The following EPM2A variants were observed in gnomAD, a reference collection of about 807,000 sequenced individuals.
The protein encoded by EPM2A is laforin.
Under a neutral mutation model 26.5 loss-of-function variants are expected in EPM2A, and 21 were observed. The ratio of observed to expected loss-of-function variants is 0.79; its 90% CI spans 0.56 to 1.14. EPM2A has a LOEUF of 1.14. Among genes scored for constraint, EPM2A ranks in the 50% most tolerant of loss-of-function variants. The probability of loss-of-function intolerance (pLI) is 0.00; values close to 1 mark genes in which losing one functional copy is unlikely to be tolerated. For synonymous variants in EPM2A, 217 were observed against 177.6 expected, an observed-to-expected ratio of 1.22 and a Z score of -1.76; for missense variants, 458 against 440.8, an observed-to-expected ratio of 1.04 and a Z score of -0.35.
chr6:145,390,563 TTC>T (rs61299104), intron 4 of EPM2A, among the ~76,000 whole-genome samples: 133 of 148,318 alleles, frequency 9.0e-4, no homozygotes, highest in Admixed American at 2.1e-3. Context: ...TGCATGCACA[TTC>T]TCTCTCTCTC....
In EPM2A at chr6:145,422,072, T is replaced by G. The variant is rs532256039; in HGVS notation, c.556-37975A>C. ...ATATATGAGTGTATATATATATATA[T>G]ATATAGAGAGAGAGAGAGAGATAAT... is the stretch of plus-strand genomic sequence containing the variant. On this transcript the variant is annotated intron_variant, in intron 4 of 4. Transcript: ENST00000638717. 3.6e-3 allele frequency among the ~76,000 whole-genome samples: 453 copies of G among 127,140 alleles called. 3 individuals carry two copies. The highest frequency in any genetic ancestry group is 0.012 in the African/African-American group (410 of 34,894). The allele number at this position is 127,140 out of a possible 152,430, so 83.4% of individuals were successfully genotyped here. A position where few individuals can be genotyped will look rare whatever the true frequency, so the allele number is the denominator to read the frequency against.
chr6:145,635,807 C>T, intron 2 of EPM2A: 1 of 252,988 alleles, frequency 4.0e-6, no homozygotes, highest in South Asian at 6.0e-5. Context: ...TGATAAAAAT[C>T]CATCAATAGA....
At chr6:145,650,731 C>T (rs1410520286) in intron 2 of EPM2A, among the ~76,000 whole-genome samples, 1 of 152,018 alleles carries the variant, frequency 6.6e-6, no homozygotes, top group Non-Finnish European at 1.5e-5. Context: ...AGTGGTTAAC[C>T]TTGTAGTCAA....
chr6:145,575,513 A>G (rs1409180073), intron 2 of EPM2A, among the ~76,000 whole-genome samples: 1 of 152,206 alleles, frequency 6.6e-6, no homozygotes, highest in African/African-American at 2.4e-5. Context: ...GAGGCTCAGT[A>G]TCTGCTTCTG....
chr6:145,543,496 G>T (rs1780542716), intron 2 of EPM2A, among the ~76,000 whole-genome samples: 1 of 151,942 alleles, frequency 6.6e-6, no homozygotes, highest in Non-Finnish European at 1.5e-5. Flanking sequence ...CTTGCCCAAG[G>T]CCATACAATT....
At chr6:145,672,692 C>T (rs939257599) in intron 2 of EPM2A, among the ~76,000 whole-genome samples, 1 of 152,188 alleles carries the variant, frequency 6.6e-6, no homozygotes, top group African/African-American at 2.4e-5. Context: ...TGGGGGAACC[C>T]CGGCACAAGG....
At chr6:145,635,144 T>C in intron 3 of EPM2A, 101 bp downstream of exon 3, 2 of 1,325,476 alleles carry the variant, frequency 1.5e-6, no homozygotes, top group South Asian at 1.2e-5. Context: ...TTTATTCCAT[T>C]TCTACCATTC....
chr6:145,513,360 G>A (rs1256534271), intron 2 of EPM2A, among the ~76,000 whole-genome samples: 1 of 152,024 alleles, frequency 6.6e-6, no homozygotes, highest in Non-Finnish European at 1.5e-5. Context: ...AAGATACCAT[G>A]TTACATCAAT....
chr6:145,700,511 C>G (rs1364734683), intron 1 of EPM2A, among the ~76,000 whole-genome samples: 1 of 151,952 alleles, frequency 6.6e-6, no homozygotes, highest in East Asian at 1.9e-4. Context: ...TTTTTCTAAC[C>G]ACATTTTGCT....
At chr6:145,595,975 G>C (rs1461964368) in intron 2 of EPM2A, among the ~76,000 whole-genome samples, 1 of 152,036 alleles carries the variant, frequency 6.6e-6, no homozygotes, top group African/African-American at 2.4e-5. Flanking sequence ...CCAGAACACA[G>C]AGCAATAAAA....
chr6:145,614,732 T>G (rs935643266), intron 2 of EPM2A, among the ~76,000 whole-genome samples: 1 of 152,208 alleles, frequency 6.6e-6, no homozygotes, highest in Non-Finnish European at 1.5e-5. Context: ...GTTTGCTGTC[T>G]TATACAGGCA....
chr6:145,491,625 G>A (rs111915025), intron 4 of EPM2A: 5 of 360,620 alleles, frequency 1.4e-5, no homozygotes, highest in Non-Finnish European at 2.7e-5. Flanking sequence ...AATGACATTC[G>A]AGTGGGAAAA....
intron 2 of EPM2A, among the ~76,000 whole-genome samples, chr6:145,591,590 A>C (rs1443799379): frequency 1.1e-4 from 17 of 152,208 alleles, no homozygotes. Flanking sequence ...AGAACTCTAC[A>C]TTCAACAAAA....
At chr6:145,502,452 A>T in intron 3 of EPM2A, 1 of 463,800 alleles carries the variant, frequency 2.2e-6, no homozygotes, top group South Asian at 1.6e-5. Flanking sequence ...CAAATATATG[A>T]CTTTCCTGAA....
At chr6:145,512,622 A>G (rs375049700) in intron 2 of EPM2A, among the ~76,000 whole-genome samples, 2 of 149,532 alleles carry the variant, frequency 1.3e-5, no homozygotes, top group African/African-American at 4.9e-5. Flanking sequence ...TGAGGCAGAG[A>G]ATTGCTTGAA....
intron 4 of EPM2A, among the ~76,000 whole-genome samples, chr6:145,385,820 AC>A (rs1778252813): frequency 6.6e-6 from 1 of 151,346 alleles, no homozygotes; most frequent in African/African-American, 2.4e-5. Flanking sequence ...TCTTTTTTCT[AC>A]TTTTTTTTTG....
intron 4 of EPM2A, among the ~76,000 whole-genome samples, chr6:145,426,781 T>C (rs1253519276): frequency 6.6e-6 from 1 of 152,208 alleles, no homozygotes; most frequent in Non-Finnish European, 1.5e-5. Flanking sequence ...TTTCCATTTT[T>C]AAGGTACACT....
intron 1 of EPM2A, among the ~76,000 whole-genome samples, chr6:145,723,092 T>A (rs1254176707): frequency 2.0e-5 from 3 of 152,186 alleles, no homozygotes; most frequent in Non-Finnish European, 2.9e-5. Context: ...TCTTAAATTA[T>A]AATAGATTAT....
intron 4 of EPM2A, among the ~76,000 whole-genome samples, chr6:145,410,566 G>T (rs557713616): frequency 6.2e-4 from 95 of 152,332 alleles, no homozygotes; most frequent in Non-Finnish European, 1.2e-3. Context: ...CAATGATAAA[G>T]AAATAGGTAT....
Sources: allele counts gnomAD v4.1 joint callset (sites outside exome capture counted in the v4.1 genomes callset), GRCh38; gene constraint gnomAD v4.1.1; transcripts MANE v1.5; gene names NCBI Gene and HGNC (gene_info 2026-07-23, HGNC 2026-07-21).